Variants in BTRC observed in about 807,000 individuals in gnomAD.
BTRC encodes the protein F-box/WD repeat-containing protein 1A.
Under a neutral mutation model 85.5 loss-of-function variants are expected in BTRC, and 42 were observed. The observed-to-expected ratio is 0.49, with a 90% CI of 0.38 to 0.64. BTRC has a LOEUF of 0.64. BTRC is among the 30% of genes least tolerant of loss of function. The pLI, the probability that BTRC is intolerant of heterozygous loss-of-function variation, is 0.00. For synonymous variants in BTRC, 255 were observed against 263.3 expected, an observed-to-expected ratio of 0.97 and a Z score of 0.30; for missense variants, 594 against 743.5, an observed-to-expected ratio of 0.80 and a Z score of 2.34.
At chr10:101,406,410 C>G (rs908579166) in intron 1 of BTRC, among the ~76,000 whole-genome samples, 25 of 151,848 alleles carry the variant, frequency 1.6e-4, no homozygotes, top group Non-Finnish European at 2.8e-4. Flanking sequence ...GTGATCCGCC[C>G]GCCTCAGCCT....
At chr10:101,483,112 C>T (rs895119118) in intron 4 of BTRC, among the ~76,000 whole-genome samples, 2 of 152,080 alleles carry the variant, frequency 1.3e-5, no homozygotes, top group Non-Finnish European at 2.9e-5. Flanking sequence ...TATGTTTGGA[C>T]CCCTATAATA....
chr10:101,502,882 G>T (rs1946430991), intron 4 of BTRC, among the ~76,000 whole-genome samples: 1 of 152,122 alleles, frequency 6.6e-6, no homozygotes, highest in African/African-American at 2.4e-5. Context: ...ATATAGTGAA[G>T]CATTAAGCTA....
intron 1 of BTRC, among the ~76,000 whole-genome samples, chr10:101,426,454 T>C (rs1316218895): frequency 2.0e-5 from 3 of 152,222 alleles, no homozygotes; most frequent in Admixed American, 1.3e-4. Context: ...CCGGTATATC[T>C]AGTGGCTTTC....
intron 4 of BTRC, among the ~76,000 whole-genome samples, chr10:101,491,445 A>G (rs1946131050): frequency 6.6e-6 from 1 of 152,182 alleles, no homozygotes; most frequent in Non-Finnish European, 1.5e-5. Context: ...TTGTAATCCC[A>G]GTACTTTGGG....
chr10:101,371,600 C>G (rs926372241), intron 1 of BTRC, among the ~76,000 whole-genome samples: 2 of 152,200 alleles, frequency 1.3e-5, no homozygotes, highest in African/African-American at 4.8e-5. Context: ...CCATGTTCTT[C>G]CTTTTTTAAG....
chr10:101,367,554 A>C (rs1352511426), intron 1 of BTRC, among the ~76,000 whole-genome samples: 1 of 152,168 alleles, frequency 6.6e-6, no homozygotes, highest in Non-Finnish European at 1.5e-5. Context: ...TAGATCAGGA[A>C]TAGAACTTTG....
rs1017873555 is a variant in BTRC, at chr10:101,510,024, C to T, written c.325-11615C>T. Among the ~76,000 whole-genome samples the T allele has an allele frequency of 4.0e-5, 6 of 151,682 alleles. No individual in the cohort carries two copies. In the East Asian group the frequency reaches 5.8e-4, roughly 15 times the overall value. ...CTACTAAAAACACAAAAATTAGCTGCGCGTGGTGTTACATGTCTGTAATCC... is the reference window on the plus strand; with the variant it reads ...CTACTAAAAACACAAAAATTAGCTGTGCGTGGTGTTACATGTCTGTAATCC... On this transcript the variant is annotated intron_variant, in intron 4 of 14. Coordinates refer to ENST00000370187, the MANE Select transcript of BTRC (RefSeq NM_033637.4).
At chr10:101,547,203 A>T (rs886657572) in intron 13 of BTRC, among the ~76,000 whole-genome samples, 10 of 152,158 alleles carry the variant, frequency 6.6e-5, no homozygotes, top group African/African-American at 9.7e-5. Flanking sequence ...CTGTATTTTA[A>T]ACTATTTGAT....
In BTRC at chr10:101,534,819, G is replaced by A. The variant is rs376316565; in HGVS notation, c.1256G>A (p.Arg419Gln). 1.6e-5 allele frequency: 26 copies of A among 1,614,122 alleles called. No homozygotes were observed. Among genetic ancestry groups the A allele is most frequent in the African/African-American group, 4.0e-5 (3 of 75,030 alleles). ...DMASPTDITL[R>Q]RVLVGHRAAV... Reference sequence around the variant, plus strand: ...GCCTCCCCAACTGACATTACCCTCCGGAGGGTGCTGGTCGGACACCGAGCT... The same window carrying A: ...GCCTCCCCAACTGACATTACCCTCCAGAGGGTGCTGGTCGGACACCGAGCT... The change falls in exon 10 of 15, where the codon CGG (arginine) becomes CAG (glutamine). Residue 419 changes from arginine to glutamine, a missense_variant. Coordinates refer to ENST00000370187, the MANE Select transcript of BTRC (RefSeq NM_033637.4).
intron 4 of BTRC, among the ~76,000 whole-genome samples, chr10:101,484,225 T>C (rs1945922665): frequency 6.6e-6 from 1 of 152,224 alleles, no homozygotes; most frequent in Admixed American, 6.5e-5. Context: ...GATGTTCCTT[T>C]CCACTCACTC....
intron 1 of BTRC, among the ~76,000 whole-genome samples, chr10:101,396,559 A>T (rs1369445813): frequency 2.0e-5 from 3 of 151,984 alleles, no homozygotes; most frequent in African/African-American, 7.2e-5. Context: ...TTGGATTACG[A>T]CAGCAAAATA....
intron 3 of BTRC, among the ~76,000 whole-genome samples, chr10:101,474,981 T>C (rs1474009134): frequency 6.6e-6 from 1 of 152,224 alleles, no homozygotes; most frequent in African/African-American, 2.4e-5. Context: ...CAGCAAATAC[T>C]GATTACTTCA....
At chr10:101,542,169 C>T (rs952133709) in intron 13 of BTRC, among the ~76,000 whole-genome samples, 4 of 151,968 alleles carry the variant, frequency 2.6e-5, no homozygotes, top group African/African-American at 2.4e-5. Context: ...GCAGTTTGGC[C>T]GTTTTATCTA....
chr10:101,382,303 C>G (rs935476833), intron 1 of BTRC, among the ~76,000 whole-genome samples: 1 of 151,534 alleles, frequency 6.6e-6, no homozygotes, highest in African/African-American at 2.4e-5. Context: ...TCTTTTACAG[C>G]TCTTTAAAAA....
chr10:101,463,258 C>A (rs1286042553), intron 3 of BTRC, among the ~76,000 whole-genome samples: 1 of 152,146 alleles, frequency 6.6e-6, no homozygotes, highest in African/African-American at 2.4e-5. Context: ...GTTGGCCAGG[C>A]TGGTCGCAAA....
At position 101,529,202 on chromosome 10, in the gene BTRC, C is replaced by T. The variant is rs182645821; in HGVS notation, c.744-2035C>T. On this transcript the variant is annotated intron_variant, in intron 6 of 14. Transcript: ENST00000370187. ...GATCTTCCATCATAAAAGGTTTTGA[C>T]TTAAAACATAAAGACAGAAGCCAGT... Among the ~76,000 whole-genome samples the T allele has an allele frequency of 4.7e-3, 716 of 152,280 alleles. 8 individuals carry two copies. Among genetic ancestry groups the T allele is most frequent in the African/African-American group, 0.016 (672 of 41,548 alleles).
intron 1 of BTRC, among the ~76,000 whole-genome samples, chr10:101,395,669 CTCAGGTT>C (rs1457345366): frequency 6.6e-6 from 1 of 151,940 alleles, no homozygotes; most frequent in East Asian, 1.9e-4. Context: ...ATTTTTGGTT[CTCAGGTT>C]TGATTAATAA....
chr10:101,396,713 T>A (rs896807403), intron 1 of BTRC, among the ~76,000 whole-genome samples: 2 of 151,522 alleles, frequency 1.3e-5, no homozygotes, highest in African/African-American at 4.8e-5. Context: ...CGGTAGACAG[T>A]CTTTAGATTT....
chr10:101,491,990 A>G (rs1022549491), intron 4 of BTRC, among the ~76,000 whole-genome samples: 34 of 152,120 alleles, frequency 2.2e-4, no homozygotes, highest in African/African-American at 8.0e-4. Context: ...AACTCCCTGG[A>G]TATTCTCTAA....
Sources: gnomAD v4.1 joint callset for allele counts (sites outside exome capture counted in the v4.1 genomes callset) on GRCh38, gnomAD v4.1.1 for gene constraint, MANE v1.5 for transcripts, NCBI Gene and HGNC (gene_info 2026-07-23, HGNC 2026-07-21) for gene names.